CHSY3: variants seen among roughly 807,000 people sequenced by gnomAD.
CHSY3 encodes the protein chondroitin sulfate synthase 3.
Under a neutral mutation model 67.2 loss-of-function variants are expected in CHSY3, and 35 were observed. The observed-to-expected ratio is 0.52, with a 90% CI of 0.40 to 0.69. The LOEUF (loss-of-function observed/expected upper bound fraction) is 0.69. Ranked by LOEUF, CHSY3 falls within the 30% of genes least tolerant of loss-of-function variation. The probability of loss-of-function intolerance (pLI) is 0.00; values close to 1 mark genes in which losing one functional copy is unlikely to be tolerated. For missense variants in CHSY3, 1,069 were observed against 1,138.5 expected (o/e 0.94, Z 0.88); for synonymous variants, 474 against 434.7 (o/e 1.09, Z -1.12).
intron 2 of CHSY3, among the ~76,000 whole-genome samples, chr5:130,096,819 T>C (rs1435855234): frequency 6.6e-6 from 1 of 152,176 alleles, no homozygotes; most frequent in Non-Finnish European, 1.5e-5. Context: ...TACTTCCAAA[T>C]GGTCTTAAGG....
chr5:129,921,312 A>G (rs751050267), intron 2 of CHSY3, among the ~76,000 whole-genome samples: 2 of 152,174 alleles, frequency 1.3e-5, no homozygotes, highest in African/African-American at 2.4e-5. Context: ...CACAAGCACT[A>G]TGATACCTTG....
chr5:130,086,286 G>T (rs891736606), intron 2 of CHSY3, among the ~76,000 whole-genome samples: 3 of 151,994 alleles, frequency 2.0e-5, no homozygotes, highest in African/African-American at 7.2e-5. Context: ...TTATGAATCT[G>T]GGTGCTCCTG....
At chr5:129,914,284 A>AT (rs1254505267) in intron 2 of CHSY3, among the ~76,000 whole-genome samples, 1 of 151,592 alleles carries the variant, frequency 6.6e-6, no homozygotes, top group Admixed American at 6.6e-5. Context: ...CTAACTTTGT[A>AT]TTTTTTTTAG....
At chr5:129,959,845 G>A (rs138432027) in intron 2 of CHSY3, among the ~76,000 whole-genome samples, 250 of 152,038 alleles carry the variant, frequency 1.6e-3, no homozygotes, top group African/African-American at 5.5e-3. Context: ...CAAGTGATGC[G>A]TATCTTTTTT....
intron 2 of CHSY3, among the ~76,000 whole-genome samples, chr5:130,158,768 A>G (rs1769442687): frequency 6.6e-6 from 1 of 152,184 alleles, no homozygotes; most frequent in Non-Finnish European, 1.5e-5. Context: ...GAAAGTTGTC[A>G]TCAAGGGAAT....
At chr5:130,023,277 C>T (rs1322890524) in intron 2 of CHSY3, among the ~76,000 whole-genome samples, 2 of 151,704 alleles carry the variant, frequency 1.3e-5, no homozygotes, top group Non-Finnish European at 2.9e-5. Context: ...GTTAGGAAAC[C>T]CAGTTATAGG....
chr5:130,023,060 C>T (rs1764439414), intron 2 of CHSY3, among the ~76,000 whole-genome samples: 1 of 151,892 alleles, frequency 6.6e-6, no homozygotes, highest in Non-Finnish European at 1.5e-5. Context: ...CTAGAGAAGA[C>T]CTCTCAAAAT....
At chr5:130,110,058 A>C (rs918203978) in intron 2 of CHSY3, among the ~76,000 whole-genome samples, 2 of 151,920 alleles carry the variant, frequency 1.3e-5, no homozygotes, top group Admixed American at 6.6e-5. Context: ...ACAATCTGCA[A>C]CTACTCTGAT....
intron 2 of CHSY3, among the ~76,000 whole-genome samples, chr5:130,160,909 A>ATTTTTT (rs760822099): frequency 7.3e-6 from 1 of 136,192 alleles, no homozygotes; most frequent in Non-Finnish European, 1.5e-5. Flanking sequence ...TTTTTTTTTT[A>ATTTTTT]TTTTTTTTTT....
At chr5:130,035,900 T>TTTTG (rs1035859855) in intron 2 of CHSY3, among the ~76,000 whole-genome samples, 6 of 148,576 alleles carry the variant, frequency 4.0e-5, no homozygotes, top group African/African-American at 1.2e-4. Context: ...TTTTTTTTTT[T>TTTTG]TTTTTTTTTT....
chr5:130,078,926 C>G (rs898875231), intron 2 of CHSY3, among the ~76,000 whole-genome samples: 3 of 152,160 alleles, frequency 2.0e-5, no homozygotes, highest in African/African-American at 7.2e-5. Context: ...TCTTTAATCA[C>G]CCATCCCTCT....
At chr5:130,016,798 A>C (rs1764232124) in intron 2 of CHSY3, among the ~76,000 whole-genome samples, 1 of 152,242 alleles carries the variant, frequency 6.6e-6, no homozygotes, top group Non-Finnish European at 1.5e-5. Context: ...GCATGCGACT[A>C]TGCTAGGTGT....
chr5:130,089,752 A>C (rs1306027431), intron 2 of CHSY3, among the ~76,000 whole-genome samples: 2 of 152,112 alleles, frequency 1.3e-5, no homozygotes, highest in Non-Finnish European at 2.9e-5. Flanking sequence ...TGTGTATAAT[A>C]ATACACATTT....
At chr5:130,080,892 A>G (rs1407314627) in intron 2 of CHSY3, among the ~76,000 whole-genome samples, 1 of 152,114 alleles carries the variant, frequency 6.6e-6, no homozygotes, top group African/African-American at 2.4e-5. Context: ...AGGCATGCAA[A>G]TTTATTAGCA....
chr5:130,126,215 TGCCGAA>T (rs1368448320), intron 2 of CHSY3, among the ~76,000 whole-genome samples: 1 of 151,974 alleles, frequency 6.6e-6, no homozygotes, highest in Non-Finnish European at 1.5e-5. Context: ...ATTGATTTCC[TGCCGAA>T]TGGCCTCTGA....
intron 2 of CHSY3, among the ~76,000 whole-genome samples, chr5:130,027,288 G>T (rs995076367): frequency 6.6e-6 from 1 of 152,024 alleles, no homozygotes; most frequent in African/African-American, 2.4e-5. Context: ...GAACAACTTT[G>T]TAAAAGGAGA....
chr5:129,920,551 T>C (rs1020567814), intron 2 of CHSY3, among the ~76,000 whole-genome samples: 1 of 152,156 alleles, frequency 6.6e-6, no homozygotes, highest in African/African-American at 2.4e-5. Flanking sequence ...GCCAAGGAAT[T>C]GGTTTCAAGA....
intron 2 of CHSY3, among the ~76,000 whole-genome samples, chr5:130,020,737 A>T (rs182437258): frequency 2.0e-5 from 3 of 151,898 alleles, no homozygotes; most frequent in Admixed American, 1.3e-4. Flanking sequence ...TGGTCAGGAC[A>T]CTCACCTAAG....
intron 2 of CHSY3, among the ~76,000 whole-genome samples, chr5:130,076,409 CT>C (rs369960436): frequency 2.0e-5 from 3 of 149,386 alleles, no homozygotes; most frequent in African/African-American, 7.4e-5. Flanking sequence ...TGAGAATATA[CT>C]TTTTTTTGTA....
Sources: allele counts gnomAD v4.1 joint callset (sites outside exome capture counted in the v4.1 genomes callset), GRCh38; gene constraint gnomAD v4.1.1; transcripts MANE v1.5; gene names NCBI Gene and HGNC (gene_info 2026-07-23, HGNC 2026-07-21).